Variants in ROBO1 observed in about 807,000 individuals in gnomAD.
ROBO1 encodes the protein roundabout homolog 1.
In ROBO1, 149 loss-of-function variants were observed where a neutral mutation model predicts 195.9. That is an observed-to-expected ratio of 0.76 (90% CI 0.67 to 0.87). The LOEUF (loss-of-function observed/expected upper bound fraction) is 0.87, where lower values mean the gene tolerates loss of function less well. Among genes scored for constraint, ROBO1 ranks in the 40% least tolerant of loss-of-function variants. ROBO1 has a pLI of 0.00. For missense variants in ROBO1, 1,933 were observed against 2,068.3 expected (o/e 0.93, Z 1.27); for synonymous variants, 816 against 733.2 (o/e 1.11, Z -1.82).
At chr3:79,546,103 T>G (rs1018222338) in intron 2 of ROBO1, among the ~76,000 whole-genome samples, 5 of 152,214 alleles carry the variant, frequency 3.3e-5, no homozygotes, top group African/African-American at 9.6e-5. Flanking sequence ...TTCTTATAAC[T>G]TTCTTAATAG....
At chr3:79,616,048 T>G (rs1195929887) in intron 1 of ROBO1, among the ~76,000 whole-genome samples, 2 of 152,126 alleles carry the variant, frequency 1.3e-5, no homozygotes, top group Admixed American at 1.3e-4. Context: ...CCCAAACCTA[T>G]GGTGGCTTGC....
chr3:78,720,175 AG>A (rs2082007203), intron 5 of ROBO1, among the ~76,000 whole-genome samples: 1 of 152,240 alleles, frequency 6.6e-6, no homozygotes, highest in Admixed American at 6.5e-5. Context: ...GAGGCAGAGA[AG>A]CATATGTAAT....
At chr3:78,696,737 CAT>C (rs139884498) in intron 8 of ROBO1, among the ~76,000 whole-genome samples, 3 of 143,716 alleles carry the variant, frequency 2.1e-5, no homozygotes, top group Admixed American at 7.0e-5. Flanking sequence ...TGTATATATA[CAT>C]ATATATATAC....
At chr3:79,625,121 G>A (rs1340889545) in intron 1 of ROBO1, among the ~76,000 whole-genome samples, 2 of 151,868 alleles carry the variant, frequency 1.3e-5, no homozygotes, top group Admixed American at 6.6e-5. Flanking sequence ...GTAAAATTAA[G>A]GCAGAAATCA....
intron 2 of ROBO1, among the ~76,000 whole-genome samples, chr3:79,254,387 C>T (rs2082789036): frequency 6.6e-6 from 1 of 151,944 alleles, no homozygotes. Flanking sequence ...GGGTACTTCT[C>T]AATCTCTTTT....
At chr3:79,685,580 T>C (rs576984258) in intron 1 of ROBO1, among the ~76,000 whole-genome samples, 1 of 152,300 alleles carries the variant, frequency 6.6e-6, no homozygotes, top group East Asian at 1.9e-4. Context: ...TCCAGAAAAC[T>C]GCCAAACAGG....
chr3:79,168,260 A>T (rs371616441), intron 2 of ROBO1, among the ~76,000 whole-genome samples: 1 of 152,314 alleles, frequency 6.6e-6, no homozygotes, highest in Admixed American at 6.5e-5. Flanking sequence ...TCGCCCTGCT[A>T]AAAGAAATAC....
chr3:79,365,412 C>T (rs1030140355), intron 2 of ROBO1, among the ~76,000 whole-genome samples: 1 of 152,150 alleles, frequency 6.6e-6, no homozygotes, highest in Non-Finnish European at 1.5e-5. Flanking sequence ...ATCATAGCCC[C>T]ATGGGAACTC....
intron 1 of ROBO1, among the ~76,000 whole-genome samples, chr3:79,717,813 A>G (rs1477473953): frequency 6.6e-6 from 1 of 152,014 alleles, no homozygotes; most frequent in Non-Finnish European, 1.5e-5. Context: ...TTGTGTGTGA[A>G]TGTATTCAGA....
intron 3 of ROBO1, chr3:79,018,927 G>C (rs969113374): frequency 2.0e-6 from 2 of 987,804 alleles, no homozygotes; most frequent in Non-Finnish European, 2.4e-6. Context: ...CTCCCGGCGA[G>C]CCCAGTCAGC....
chr3:78,685,909 A>T lies in ROBO1; in HGVS notation c.1179T>A (p.Leu393=). The T allele has an allele frequency of 6.3e-7, 1 of 1,589,300 alleles. No individual in the cohort carries two copies. The highest frequency in any genetic ancestry group is 8.6e-7 in the Non-Finnish European group (1 of 1,165,594). The part of the protein sequence containing the change: ...FWRREGSQNL[L]FSYQPPQSSS... ...ATGACTGTGGTGGTTGATATGAGAA[A>T]AGTAGATTCTAGAACCCAGAAATTG... The change falls in exon 10 of 31, where the codon CTT becomes CTA. Residue 393 remains leucine (L), a synonymous_variant. Coordinates refer to ENST00000464233, the MANE Select transcript of ROBO1 (RefSeq NM_002941.4).
chr3:79,542,622 C>G (rs561998205), intron 2 of ROBO1, among the ~76,000 whole-genome samples: 1 of 151,702 alleles, frequency 6.6e-6, no homozygotes, highest in Non-Finnish European at 1.5e-5. Flanking sequence ...ATTAAAATAC[C>G]TTCCTAGCAA....
chr3:79,298,106 A>G (rs2032690993), intron 2 of ROBO1, among the ~76,000 whole-genome samples: 1 of 152,094 alleles, frequency 6.6e-6, no homozygotes, highest in African/African-American at 2.4e-5. Context: ...TATTTTTGTG[A>G]TATGGATTTA....
chr3:79,717,694 G>C (rs2107273557), intron 1 of ROBO1, among the ~76,000 whole-genome samples: 1 of 152,040 alleles, frequency 6.6e-6, no homozygotes, highest in Admixed American at 6.6e-5. Context: ...GCATGTTATA[G>C]AATGCATATA....
At chr3:79,440,188 C>T (rs1482549370) in intron 2 of ROBO1, among the ~76,000 whole-genome samples, 1 of 151,972 alleles carries the variant, frequency 6.6e-6, no homozygotes, top group African/African-American at 2.4e-5. Context: ...ACATCACATT[C>T]CCCTCCCCAC....
chr3:78,946,703 C>G (rs2107740501), intron 3 of ROBO1, among the ~76,000 whole-genome samples: 1 of 152,270 alleles, frequency 6.6e-6, no homozygotes, highest in South Asian at 2.1e-4. Context: ...GGGCTAAATG[C>G]TCCAATTAAA....
At chr3:79,244,941 G>T (rs1401146712) in intron 2 of ROBO1, among the ~76,000 whole-genome samples, 1 of 151,902 alleles carries the variant, frequency 6.6e-6, no homozygotes, top group African/African-American at 2.4e-5. Context: ...CTAACAGCCT[G>T]GTTACAACAA....
chr3:79,220,897 T>C (rs538209462), intron 2 of ROBO1, among the ~76,000 whole-genome samples: 1 of 152,168 alleles, frequency 6.6e-6, no homozygotes, highest in Non-Finnish European at 1.5e-5. Context: ...AGTAGGGGCA[T>C]GGCTGTACAC....
chr3:79,585,858 G>T (rs919737592), intron 2 of ROBO1, among the ~76,000 whole-genome samples: 3 of 151,898 alleles, frequency 2.0e-5, no homozygotes, highest in Admixed American at 6.6e-5. Flanking sequence ...AATAGTCAGT[G>T]CAGTTAAAAA....
Sources: allele counts gnomAD v4.1 joint callset (sites outside exome capture counted in the v4.1 genomes callset), GRCh38; gene constraint gnomAD v4.1.1; transcripts MANE v1.5; gene names NCBI Gene and HGNC (gene_info 2026-07-23, HGNC 2026-07-21).